PTK2B: variants seen among roughly 807,000 people sequenced by gnomAD.
PTK2B encodes the protein protein-tyrosine kinase 2-beta.
In PTK2B, 71 loss-of-function variants were observed where a neutral mutation model predicts 142.9. That is an observed-to-expected ratio of 0.50 (90% CI 0.41 to 0.61). The LOEUF (loss-of-function observed/expected upper bound fraction) is 0.61. Among genes scored for constraint, PTK2B ranks in the 20% least tolerant of loss-of-function variants. The pLI is 0.00. For missense variants in PTK2B, 1,105 were observed against 1,320.4 expected (o/e 0.84, Z 2.53); for synonymous variants, 519 against 503.4 (o/e 1.03, Z -0.42).
intron 24 of PTK2B, among the ~76,000 whole-genome samples, chr8:27,449,631 G>A (rs1321003928): frequency 6.6e-6 from 1 of 152,242 alleles, no homozygotes; most frequent in South Asian, 2.1e-4. Context: ...CCTGGGCTTT[G>A]TGCAATCAAG....
At chr8:27,379,216 C>T (rs1806862240) in intron 1 of PTK2B, among the ~76,000 whole-genome samples, 1 of 152,158 alleles carries the variant, frequency 6.6e-6, no homozygotes, top group Non-Finnish European at 1.5e-5. Flanking sequence ...TAAAAGGGAA[C>T]ATTTAATTTC....
intron 2 of PTK2B, among the ~76,000 whole-genome samples, chr8:27,407,687 C>T (rs1283335082): frequency 6.6e-6 from 1 of 152,186 alleles, no homozygotes; most frequent in African/African-American, 2.4e-5. Flanking sequence ...GTCAGAGGAA[C>T]CTCTGGCCCA....
At chr8:27,415,224 T>G (rs1283593277) in intron 2 of PTK2B, among the ~76,000 whole-genome samples, 1 of 152,142 alleles carries the variant, frequency 6.6e-6, no homozygotes, top group Non-Finnish European at 1.5e-5. Context: ...CCAGAGAAGT[T>G]TAGTATGTAC....
chr8:27,378,767 T>C (rs1806832367), intron 1 of PTK2B, among the ~76,000 whole-genome samples: 2 of 152,058 alleles, frequency 1.3e-5, no homozygotes, highest in Non-Finnish European at 2.9e-5. Context: ...CCCACCTGCT[T>C]CATCTTATCC....
At chr8:27,354,937 A>G (rs1805311417) in intron 1 of PTK2B, among the ~76,000 whole-genome samples, 1 of 152,166 alleles carries the variant, frequency 6.6e-6, no homozygotes, top group Admixed American at 6.5e-5. Flanking sequence ...GCTTATGTCT[A>G]GAGCTGAAAA....
chr8:27,397,594 G>A lies in PTK2B; in HGVS notation c.10G>A (p.Val4Met). ...GCTGCTGCCTGAGAGGATGTCTGGG[G>A]TGTCCGAGCCCCTGAGTCGAGTAAA... MSG[V>M]SEPLSRVKLG... Residue 4 changes from valine to methionine, a missense_variant, in exon 2 of 31, where the codon GTG becomes ATG. Coordinates refer to ENST00000346049, the MANE Select transcript of PTK2B (RefSeq NM_173176.3). 6.2e-7 allele frequency: 1 copy of A among 1,613,716 alleles called. No individual in the cohort carries two copies. Among genetic ancestry groups the A allele is most frequent in the Non-Finnish European group, 8.5e-7 (1 of 1,180,016 alleles).
chr8:27,356,958 T>C (rs1805426685), intron 1 of PTK2B, among the ~76,000 whole-genome samples: 1 of 152,218 alleles, frequency 6.6e-6, no homozygotes, highest in African/African-American at 2.4e-5. Flanking sequence ...TTCACGGTGA[T>C]GAAACAGTTC....
At chr8:27,439,561 AG>A (rs1209383190) in intron 20 of PTK2B, among the ~76,000 whole-genome samples, 163 bp downstream of exon 20, 1 of 151,986 alleles carries the variant, frequency 6.6e-6, no homozygotes, top group African/African-American at 2.4e-5. Context: ...GGAGGCCAGT[AG>A]GGGTAGGAAG....
chr8:27,459,067 G>A lies in PTK2B; in HGVS notation c.*558G>A. The A allele has an allele frequency of 4.0e-6, 1 of 251,310 alleles. No homozygotes were observed. The highest frequency in any genetic ancestry group is 1.2e-3 in the Middle Eastern group (1 of 826). The allele number at this position is 251,310 out of a possible 1,614,324, so 15.6% of individuals were successfully genotyped here. A position where few individuals can be genotyped will look rare whatever the true frequency, so the allele number is the denominator to read the frequency against. The stretch of plus-strand genomic sequence containing the variant: ...ACTGACAGCATGTGCCCTCCTGAGG[G>A]AGGACCTGGGGCACAGTCCAGGAAC... On this transcript the variant is annotated 3_prime_UTR_variant, in exon 31 of 31. Transcript: ENST00000346049.
chr8:27,321,981 A>G (rs1803227821), upstream of PTK2B, among the ~76,000 whole-genome samples: 1 of 151,514 alleles, frequency 6.6e-6, no homozygotes, highest in African/African-American at 2.4e-5. Context: ...TTGTACCCAT[A>G]AGTTTTTCTT....
chr8:27,372,314 G>A (rs1806408286), intron 1 of PTK2B, among the ~76,000 whole-genome samples: 3 of 152,196 alleles, frequency 2.0e-5, no homozygotes. Context: ...GCACACAGGA[G>A]TATGGAGACT....
At chr8:27,383,481 G>T (rs1047407047) in intron 1 of PTK2B, among the ~76,000 whole-genome samples, 1 of 151,980 alleles carries the variant, frequency 6.6e-6, no homozygotes, top group East Asian at 1.9e-4. Flanking sequence ...GGCTGGTCTC[G>T]AGCTCCTGAC....
At chr8:27,409,338 A>G (rs1808914949) in intron 2 of PTK2B, among the ~76,000 whole-genome samples, 1 of 152,178 alleles carries the variant, frequency 6.6e-6, no homozygotes, top group Non-Finnish European at 1.5e-5. Context: ...AGGGGCCCTC[A>G]TAGTGCTCTC....
At chr8:27,339,089 G>C (rs1804241151) in intron 1 of PTK2B, among the ~76,000 whole-genome samples, 1 of 152,208 alleles carries the variant, frequency 6.6e-6, no homozygotes, top group Non-Finnish European at 1.5e-5. Flanking sequence ...TCTGTCGCCT[G>C]GAATATCTTT....
chr8:27,423,683 T>C (rs529301897), intron 5 of PTK2B, among the ~76,000 whole-genome samples: 1 of 152,268 alleles, frequency 6.6e-6, no homozygotes, highest in East Asian at 1.9e-4. Context: ...CGGAGCCAGC[T>C]GAGGGGCACT....
chr8:27,394,384 G>T (rs1367709914), intron 1 of PTK2B, among the ~76,000 whole-genome samples: 1 of 152,202 alleles, frequency 6.6e-6, no homozygotes, highest in Non-Finnish European at 1.5e-5. Context: ...ACTGAATGCT[G>T]TAGGCAATTG....
chr8:27,353,153 C>G (rs1185045098), intron 1 of PTK2B, among the ~76,000 whole-genome samples: 1 of 152,146 alleles, frequency 6.6e-6, no homozygotes, highest in Non-Finnish European at 1.5e-5. Context: ...ATTTAGTTAG[C>G]AATCCAAAAA....
At chr8:27,377,580 T>C (rs1308376171) in intron 1 of PTK2B, among the ~76,000 whole-genome samples, 3 of 152,160 alleles carry the variant, frequency 2.0e-5, no homozygotes, top group African/African-American at 7.2e-5. Flanking sequence ...CTGAGTGTGG[T>C]CTTAACCCTT....
At chr8:27,333,174 C>T (rs1021995412) in intron 1 of PTK2B, among the ~76,000 whole-genome samples, 1 of 152,134 alleles carries the variant, frequency 6.6e-6, no homozygotes, top group African/African-American at 2.4e-5. Flanking sequence ...GTATAAATAA[C>T]AGCAGAGAGA....
Sources: allele counts gnomAD v4.1 joint callset (sites outside exome capture counted in the v4.1 genomes callset), GRCh38; gene constraint gnomAD v4.1.1; transcripts MANE v1.5; gene names NCBI Gene and HGNC (gene_info 2026-07-23, HGNC 2026-07-21).